The following KMT2D variants were observed in gnomAD, a reference collection of about 807,000 sequenced individuals.
KMT2D encodes lysine methyltransferase 2D.
KMT2D carries 55 observed loss-of-function variants against 512.7 expected under a neutral mutation model. That is an observed-to-expected ratio of 0.11 (90% CI 0.09 to 0.13). The LOEUF is 0.13. Among genes scored for constraint, KMT2D ranks in the 10% least tolerant of loss-of-function variants. KMT2D has a pLI of 1.00. For synonymous variants in KMT2D, 2,995 were observed against 2,904.0 expected, an observed-to-expected ratio of 1.03 and a Z score of -1.01; for missense variants, 6,061 against 7,127.9, an observed-to-expected ratio of 0.85 and a Z score of 5.39.
chr12:49,033,707 T>TCCTTACCC lies in KMT2D; in HGVS notation c.10997_10998insGGGTAAGG (p.Gln3667GlyfsTer85). On this transcript the variant is annotated frameshift_variant, in exon 40 of 55. Transcript: ENST00000301067. LOFTEE classifies it high-confidence loss of function. ...TATTAAGGAAGGGGCCACCAGGCTG[T>TCCTTACCC]CCAGGTAGTGCCATACCCCCAGGGG... The TCCTTACCC allele has an allele frequency of 6.2e-7, 1 of 1,613,604 alleles. No individual in the cohort carries two copies. The highest frequency in any genetic ancestry group is 8.5e-7 in the Non-Finnish European group (1 of 1,179,864).
chr12:49,057,012 C>T (rs751397812), intron 1 of KMT2D, among the ~76,000 whole-genome samples: 2 of 152,186 alleles, frequency 1.3e-5, no homozygotes, highest in Non-Finnish European at 2.9e-5. Context: ...CATCTCCATT[C>T]CCAAGCCATC....
Position 49,040,739 on chromosome 12 carries a change from C to T in KMT2D, c.7031G>A (p.Gly2344Asp), listed in dbSNP as rs199845251. 3.6e-5 allele frequency: 58 copies of T among 1,613,306 alleles called. No homozygotes were observed. The highest frequency in any genetic ancestry group is 4.6e-5 in the Non-Finnish European group (54 of 1,179,702). Reference sequence around the variant, plus strand: ...TGGCTCCTGGGGCCTTAGGCCCAAGCCCGGGCTCTGGGGCTCTACCTGAGA... The same window carrying T: ...TGGCTCCTGGGGCCTTAGGCCCAAGTCCGGGCTCTGGGGCTCTACCTGAGA... ...RASQVEPQSPGLGLRPQEPPP... is the reference protein window; with the variant it reads ...RASQVEPQSPDLGLRPQEPPP... The change falls in exon 32 of 55, where the codon GGC becomes GAC. Residue 2344 changes from glycine to aspartate, a missense_variant. Gly to Asp is a moderately conservative substitution (Grantham distance 94). This residue lies in a region of KMT2D where 710 missense variants were observed against 647.3 expected (regional missense o/e 1.10). Transcript: ENST00000301067.
At position 49,051,910 on chromosome 12, in the gene KMT2D, AGACATGGGTGACTCTTCAGGTGGAGGG is replaced by A; in HGVS notation, c.1746_1772del (p.Glu587_Glu595del). 6 of 1,593,504 alleles carry A rather than the reference AGACATGGGTGACTCTTCAGGTGGAGGG, an allele frequency of 3.8e-6. No homozygotes were observed. The highest frequency in any genetic ancestry group is 5.1e-6 in the Non-Finnish European group (6 of 1,173,146). On this transcript the variant is annotated inframe_deletion, in exon 11 of 55. Transcript: ENST00000301067. Reference sequence around the variant, plus strand: ...ACAGACGAGATGCCTCCGGTGGTGGAGACATGGGTGACTCTTCAGGTGGAGGGGACATGGGTGACTCCTCAGGTGGTG... The same window carrying A: ...ACAGACGAGATGCCTCCGGTGGTGGAGACATGGGTGACTCCTCAGGTGGTG...
At chr12:49,059,349 G>T (rs1049272868) in intron 1 of KMT2D, among the ~76,000 whole-genome samples, 1 of 152,080 alleles carries the variant, frequency 6.6e-6, no homozygotes, top group Admixed American at 6.5e-5. Flanking sequence ...AAAATAAACA[G>T]GCAGAGAGGC....
At chr12:49,027,967 TC>T (rs1236559889) in intron 47 of KMT2D, 37 bp from the exon 48 acceptor site, 3 of 1,613,360 alleles carry the variant, frequency 1.9e-6, no homozygotes, top group Non-Finnish European at 2.5e-6. Context: ...CCCACCAGAA[TC>T]ACTCCCCTCA....
Position 49,050,237 on chromosome 12 carries a change from G to A in KMT2D, c.3351C>T (p.Gly1117=), listed in dbSNP as rs2120647617. The part of the protein sequence containing the change: ...SPAPALDDFS[G]LGEDTAPLDG... ...CCAGAGGGGCTGTGTCTTCCCCTAG[G>A]CCAGAGAAGTCATCCAGGGCTGGGG... Residue 1117 remains glycine, a synonymous_variant, in exon 12 of 55, where the codon GGC becomes GGT. Coordinates refer to ENST00000301067, the MANE Select transcript of KMT2D (RefSeq NM_003482.4). 1 of 1,613,426 alleles carries A rather than the reference G, an allele frequency of 6.2e-7. No homozygotes were observed. The highest frequency in any genetic ancestry group is 8.5e-7 in the Non-Finnish European group (1 of 1,179,662).
In KMT2D at chr12:49,032,535, G is replaced by A; in HGVS notation, c.12170C>T (p.Ser4057Leu). 2 of 1,603,918 alleles carry A rather than the reference G, an allele frequency of 1.2e-6. No individual in the cohort carries two copies. Among genetic ancestry groups the A allele is most frequent in the Non-Finnish European group, 1.7e-6 (2 of 1,175,254 alleles). The stretch of plus-strand genomic sequence containing the variant: ...TACCTCTCCTGGTTCAGTGGCCATT[G>A]ACTCAGGGGTAGTTCCTATTGCTAA... ...GPLAIGTTPE[S>L]MATEPGEVKP... Residue 4057 changes from serine (S) to leucine (L), a missense_variant, in exon 40 of 55, where the codon TCA (serine) becomes TTA (leucine). By Grantham distance (145) the Ser-to-Leu change is moderately radical. Transcript: ENST00000301067.
Position 49,038,768 on chromosome 12 carries a change from C to G in KMT2D, c.8588G>C (p.Gly2863Ala), listed in dbSNP as rs2120503760. The G allele has an allele frequency of 6.2e-7, 1 of 1,601,276 alleles. No individual in the cohort carries two copies. The highest frequency in any genetic ancestry group is 8.5e-7 in the Non-Finnish European group (1 of 1,174,030). The change falls in exon 35 of 55, where the codon GGC becomes GCC. Residue 2863 changes from glycine (G) to alanine (A), a missense_variant. Physicochemically the swap from Gly to Ala is moderately conservative, Grantham distance 60. Transcript: ENST00000301067. This position sits in a 1 kb window ranked among gnomAD's most constrained non-coding sequence, Gnocchi z 5.7. Reference sequence around the variant, plus strand: ...TGGACCAGGCACTGGCTCACCAGGGCCTGGCAGACGGGTGGAAATTCCCGC... The same window carrying G: ...TGGACCAGGCACTGGCTCACCAGGGGCTGGCAGACGGGTGGAAATTCCCGC... ...PLAGISTRLP[G>A]PGEPVPGPAG...
chr12:49,030,493 T>C (rs1030181932), intron 42 of KMT2D, 54 bp from the exon 43 acceptor site: 2 of 1,374,168 alleles, frequency 1.5e-6, no homozygotes, highest in Non-Finnish European at 2.0e-6. Context: ...GAGACTGATA[T>C]AATCTCCTGG....
chr12:49,025,058 A>G, intron 49 of KMT2D, 112 bp from the exon 50 acceptor site: 1 of 1,239,470 alleles, frequency 8.1e-7, no homozygotes, highest in Non-Finnish European at 1.1e-6. Flanking sequence ...CCTCCCTATC[A>G]TGAAGTTGTG....
chr12:49,048,175 C>T (rs1056462725), intron 14 of KMT2D, 106 bp from the exon 15 acceptor site: 10 of 717,390 alleles, frequency 1.4e-5, no homozygotes, highest in Non-Finnish European at 1.9e-5. Flanking sequence ...GAGTCAGGAA[C>T]CCCATCCCAC....
rs369867316 is a variant in KMT2D at position 49,050,947 on chromosome 12, G to A, written c.2736C>T (p.Pro912=). ...CAGATGGGGACAACGGCAGCTCCTC[G>A]GGCAGAGGGGACAGAGGTGGTTCCC... is the stretch of plus-strand genomic sequence containing the variant. The part of the protein sequence containing the change: ...EPGEPPLSPL[P]EELPLSPSGE... The change falls in exon 11 of 55, where the codon CCC becomes CCT. Residue 912 remains proline, a synonymous_variant. Transcript: ENST00000301067. 7.2e-5 allele frequency: 112 copies of A among 1,544,928 alleles called. No homozygotes were observed. The highest frequency in any genetic ancestry group is 3.5e-4 in the Middle Eastern group (2 of 5,736).
chr12:49,038,482 T>C lies in KMT2D; in HGVS notation c.8874A>G (p.Pro2958=). Residue 2958 remains proline, a synonymous_variant, in exon 35 of 55, where the codon CCA becomes CCG. Transcript: ENST00000301067. This position sits in a 1 kb window ranked among gnomAD's most constrained non-coding sequence, Gnocchi z 5.7. ...PTPHTKGPTL[P]TGLELVNRPP... is the part of the protein sequence containing the mutation. ...GCCGGTTGACCAGCTCCAAACCAGT[T>C]GGCAGGGTAGGACCCTTGGTGTGGG... The C allele has an allele frequency of 6.2e-7, 1 of 1,607,296 alleles. No homozygotes were observed.
intron 15 of KMT2D, among the ~76,000 whole-genome samples, chr12:49,047,246 G>A (rs749725953): frequency 2.6e-5 from 4 of 151,936 alleles, no homozygotes; most frequent in Non-Finnish European, 4.4e-5. Flanking sequence ...GAGCACCCTT[G>A]TCCCCAAAAC....
rs978127863 is a variant in KMT2D at position 49,060,142 on chromosome 12, C to T, written c.-567G>A. 6.6e-6 allele frequency among the ~76,000 whole-genome samples: 1 copy of T among 150,924 alleles called. No individual in the cohort carries two copies. Among genetic ancestry groups the T allele is most frequent in the African/African-American group, 2.4e-5 (1 of 41,038 alleles). On this transcript the variant is annotated 5_prime_UTR_variant, in exon 1 of 55. Coordinates refer to ENST00000301067, the MANE Select transcript of KMT2D (RefSeq NM_003482.4). ...CCCCGCCCCGGCCGGCGCCCGGGGC[C>T]GCGCGAGCTACGGCGACGCGGGGCC...
chr12:49,041,764 T>A lies in KMT2D; in HGVS notation c.6184-59A>T, dbSNP rs958476497. 1.9e-6 allele frequency: 3 copies of A among 1,562,080 alleles called. No individual in the cohort carries two copies. The highest frequency in any genetic ancestry group is 1.7e-4 in the Middle Eastern group (1 of 5,936). On this transcript the variant is annotated intron_variant, in intron 30 of 54. Transcript: ENST00000301067. The surrounding 1 kb of genome is among the most constrained non-coding windows in gnomAD (Gnocchi z 5.4). ...TGCTTGGTCTCATGCCCCGCCCCCA[T>A]ACTGTAGTGTTTTCACACTCCCTAC...
chr12:49,029,441 C>A lies in KMT2D; in HGVS notation c.14035G>T (p.Ala4679Ser), dbSNP rs867639964. The A allele has an allele frequency of 1.2e-5, 18 of 1,557,478 alleles. No individual in the cohort carries two copies. Among genetic ancestry groups the A allele is most frequent in the African/African-American group, 1.4e-5 (1 of 73,416 alleles). The change falls in exon 44 of 55, where the codon GCC (alanine) becomes TCC (serine). Residue 4679 changes from alanine to serine, a missense_variant. Ala to Ser is a moderately conservative substitution (Grantham distance 99). Transcript: ENST00000301067. ...SEVKSLDLLAALPTPPHNQTE... is the reference protein window; with the variant it reads ...SEVKSLDLLASLPTPPHNQTE... ...TGATTGTGAGGGGGTGTAGGCAAGG[C>A]AGCCAGCAGGTCTAGACTCTTCACC...
rs1942337701 is a variant in KMT2D, at chr12:49,021,735, G to A, written c.*45C>T. On this transcript the variant is annotated 3_prime_UTR_variant, in exon 55 of 55. Coordinates refer to ENST00000301067, the MANE Select transcript of KMT2D (RefSeq NM_003482.4). ...TCCCCCTCATCCCTTTCAGGGAAGAGGTTGTGGGTAGGGGGACTCCCCTGC... is the reference window on the plus strand; with the variant it reads ...TCCCCCTCATCCCTTTCAGGGAAGAAGTTGTGGGTAGGGGGACTCCCCTGC... The A allele has an allele frequency of 6.8e-7, 1 of 1,461,370 alleles. No individual in the cohort carries two copies. The highest frequency in any genetic ancestry group is 1.4e-5 in the African/African-American group (1 of 71,670). The allele number at this position is 1,461,370 out of a possible 1,614,324, so 90.5% of individuals were successfully genotyped here.
chr12:49,049,149 G>A lies in KMT2D; in HGVS notation c.3976C>T (p.Arg1326Trp), dbSNP rs886049484. The A allele has an allele frequency of 1.9e-6, 3 of 1,611,928 alleles. No homozygotes were observed. Among genetic ancestry groups the A allele is most frequent in the Non-Finnish European group, 2.5e-6 (3 of 1,178,894 alleles). ...GGAHGGRGRG[R>W]ARLKSTASSI... ...GAAGCAGTTGACTTTAGCCGGGCCCGTCCTCTACCACGTCCTCCATGGGCT... is the reference window on the plus strand; with the variant it reads ...GAAGCAGTTGACTTTAGCCGGGCCCATCCTCTACCACGTCCTCCATGGGCT... The change falls in exon 13 of 55, where the codon CGG becomes TGG. Residue 1326 changes from arginine (R) to tryptophan (W), a missense_variant. Arg to Trp is a moderately radical substitution (Grantham distance 101). Around this residue, in one of 16 missense-constraint regions of KMT2D, gnomAD observed 447 missense variants for 500.1 expected, o/e 0.89. Coordinates refer to ENST00000301067, the MANE Select transcript of KMT2D (RefSeq NM_003482.4).
Sources: gnomAD v4.1 joint callset for allele counts (sites outside exome capture counted in the v4.1 genomes callset) on GRCh38, gnomAD v4.1.1 for gene constraint, gnomAD v4.1.1 regional missense constraint, Gnocchi (gnomAD v3.1) non-coding constraint, MANE v1.5 for transcripts, NCBI Gene and HGNC (gene_info 2026-07-23, HGNC 2026-07-21) for gene names.